Variants in MCF2L2 observed in about 807,000 individuals in gnomAD.
The protein encoded by MCF2L2 is MCF.2 cell line derived transforming sequence-like 2.
A neutral mutation model predicts 150.2 loss-of-function variants in MCF2L2; 102 were observed. The ratio of observed to expected loss-of-function variants is 0.68; its 90% CI spans 0.58 to 0.80. The LOEUF is 0.80. Among genes scored for constraint, MCF2L2 ranks in the 30% least tolerant of loss-of-function variants. The pLI, the probability that MCF2L2 is intolerant of heterozygous loss-of-function variation, is 0.00. For synonymous variants in MCF2L2, 465 were observed against 491.3 expected, an observed-to-expected ratio of 0.95 and a Z score of 0.71; for missense variants, 1,256 against 1,372.8, an observed-to-expected ratio of 0.91 and a Z score of 1.34.
In MCF2L2 at chr3:183,220,633, G is replaced by A. The variant is rs913957194; in HGVS notation, c.2302-709C>T. ...TTCTTCAGAGAAGGACTGTCTTCCT[G>A]CCAGCTGTATAGGAAAGCCTGTCTC... On this transcript the variant is annotated intron_variant, in intron 20 of 29. Transcript: ENST00000328913. 2.0e-5 allele frequency among the ~76,000 whole-genome samples: 3 copies of A among 152,122 alleles called. No individual in the cohort carries two copies. The South Asian group carries it at 6.2e-4, about 31-fold the overall frequency.
At chr3:183,381,229 T>A (rs905956213) in intron 2 of MCF2L2, among the ~76,000 whole-genome samples, 3 of 152,174 alleles carry the variant, frequency 2.0e-5, no homozygotes, top group African/African-American at 7.2e-5. Context: ...GACACACATA[T>A]CAGTGTGGGG....
intron 10 of MCF2L2, among the ~76,000 whole-genome samples, chr3:183,309,415 G>A (rs1729257970): frequency 6.6e-6 from 1 of 152,152 alleles, no homozygotes; most frequent in South Asian, 2.1e-4. Context: ...TGAGCCTGTT[G>A]TGACCTTCTC....
intron 25 of MCF2L2, among the ~76,000 whole-genome samples, chr3:183,204,193 A>G (rs751759269): frequency 6.6e-6 from 1 of 152,206 alleles, no homozygotes; most frequent in African/African-American, 2.4e-5. Flanking sequence ...CAAGAGAGTA[A>G]AAAGACAATG....
Position 183,206,494 on chromosome 3 carries a change from T to A in MCF2L2, c.2713-280A>T, listed in dbSNP as rs145804982. Reference sequence around the variant, plus strand: ...AGCCCTCAACCTTTCAGTGAAGAGATCATTTCTCCTTCAACGTGTATTTTA... The same window carrying A: ...AGCCCTCAACCTTTCAGTGAAGAGAACATTTCTCCTTCAACGTGTATTTTA... On this transcript the variant is annotated intron_variant, in intron 23 of 29. Coordinates refer to ENST00000328913, the MANE Select transcript of MCF2L2 (RefSeq NM_015078.4). 2.3e-3 allele frequency among the ~76,000 whole-genome samples: 353 copies of A among 152,320 alleles called. 2 individuals are homozygous for A. The highest frequency in any genetic ancestry group is 8.3e-3 in the African/African-American group (344 of 41,564).
At chr3:183,275,014 A>C (rs760931766) in intron 15 of MCF2L2, among the ~76,000 whole-genome samples, 4 of 151,462 alleles carry the variant, frequency 2.6e-5, no homozygotes, top group Non-Finnish European at 5.9e-5. Flanking sequence ...AATGTCAATC[A>C]TGACCATACC....
At chr3:183,253,250 C>T (rs923870181) in intron 15 of MCF2L2, 2 of 151,410 alleles carry the variant, frequency 1.3e-5, no homozygotes, top group African/African-American at 4.8e-5. Context: ...CCCCATCCCG[C>T]CCGCATACAG....
intron 3 of MCF2L2, among the ~76,000 whole-genome samples, chr3:183,353,647 G>A (rs1711600593): frequency 6.6e-6 from 1 of 152,026 alleles, no homozygotes; most frequent in East Asian, 1.9e-4. Context: ...CAGATCTTGT[G>A]AGGACTCTAT....
chr3:183,345,153 GA>G (rs1308168782), intron 3 of MCF2L2, among the ~76,000 whole-genome samples: 2 of 152,116 alleles, frequency 1.3e-5, no homozygotes, highest in Non-Finnish European at 2.9e-5. Context: ...TTCTAAAACT[GA>G]CCACATAATT....
chr3:183,295,868 G>A (rs1270732795), intron 12 of MCF2L2, among the ~76,000 whole-genome samples: 1 of 152,170 alleles, frequency 6.6e-6, no homozygotes, highest in Non-Finnish European at 1.5e-5. Context: ...TGAGGCAGGA[G>A]AATCGCTTGA....
intron 27 of MCF2L2, among the ~76,000 whole-genome samples, chr3:183,187,429 T>C (rs1385038543): frequency 6.6e-6 from 1 of 152,222 alleles, no homozygotes; most frequent in Non-Finnish European, 1.5e-5. Context: ...TCCAAGTCAG[T>C]AAAACAGTCT....
At chr3:183,239,425 C>CA (rs1723905395) in intron 15 of MCF2L2, among the ~76,000 whole-genome samples, 1 of 151,464 alleles carries the variant, frequency 6.6e-6, no homozygotes, top group Non-Finnish European at 1.5e-5. Context: ...TTTCAAATGA[C>CA]ACCACAACCA....
In MCF2L2 at chr3:183,209,610, T is replaced by C. The variant is rs567654720; in HGVS notation, c.2497-1787A>G. ...TTCAAGGGACTCTCCTGCCTCATCC[T>C]CCCGAGTAGCTTGGATTACAGGCGT... On this transcript the variant is annotated intron_variant, in intron 22 of 29. Coordinates refer to ENST00000328913, the MANE Select transcript of MCF2L2 (RefSeq NM_015078.4). Among the ~76,000 whole-genome samples the C allele has an allele frequency of 1.3e-4, 20 of 152,268 alleles. No homozygotes were observed. In the South Asian group the frequency reaches 4.1e-3, roughly 32 times the overall value.
At position 183,379,377 on chromosome 3, in the gene MCF2L2, C is replaced by T. The variant is rs772403994; in HGVS notation, c.195G>A (p.Thr65=). 2.3e-5 allele frequency: 37 copies of T among 1,610,434 alleles called. No homozygotes were observed. The highest frequency in any genetic ancestry group is 2.9e-5 in the Non-Finnish European group (34 of 1,178,634). The change falls in exon 3 of 30, where the codon ACG becomes ACA. Residue 65 remains threonine, a synonymous_variant. Coordinates refer to ENST00000328913, the MANE Select transcript of MCF2L2 (RefSeq NM_015078.4). ...GTTTGAACCCCGAAAACTCTGGGAA[C>T]GTGATGATGGGGGCGCCATCCTCCC... ...GRGEDGAPII[T]FPEFSGFKHI... is the part of the protein sequence containing the mutation.
intron 1 of MCF2L2, among the ~76,000 whole-genome samples, chr3:183,412,720 A>AT (rs1048254602): frequency 4.0e-5 from 6 of 151,202 alleles, no homozygotes; most frequent in Non-Finnish European, 5.9e-5. Flanking sequence ...TTTTATTTTT[A>AT]TTTTTTTTCC....
At chr3:183,184,634 T>A (rs1448411016) in intron 27 of MCF2L2, among the ~76,000 whole-genome samples, 1 of 152,254 alleles carries the variant, frequency 6.6e-6, no homozygotes, top group East Asian at 1.9e-4. Flanking sequence ...TGCTTAGAAT[T>A]CTAAGCTTTT....
chr3:183,409,200 A>G (rs143335359), intron 1 of MCF2L2, among the ~76,000 whole-genome samples: 36 of 152,340 alleles, frequency 2.4e-4, no homozygotes, highest in African/African-American at 8.2e-4. Flanking sequence ...GGCTCATAAA[A>G]TACTTAAGAT....
At chr3:183,284,468 G>A (rs962120185) in intron 14 of MCF2L2, among the ~76,000 whole-genome samples, 1 of 152,156 alleles carries the variant, frequency 6.6e-6, no homozygotes, top group Non-Finnish European at 1.5e-5. Context: ...TTGGGAGGCT[G>A]AGCCAGGTGG....
At chr3:183,233,751 T>A (rs912864956) in intron 15 of MCF2L2, among the ~76,000 whole-genome samples, 1 of 152,192 alleles carries the variant, frequency 6.6e-6, no homozygotes, top group African/African-American at 2.4e-5. Flanking sequence ...ACAATCTTTT[T>A]TAAAGTGAAA....
chr3:183,324,786 C>G (rs1334382928), intron 5 of MCF2L2, among the ~76,000 whole-genome samples: 2 of 151,730 alleles, frequency 1.3e-5, no homozygotes. Context: ...TGCAACAAAA[C>G]TGATTTACTC....
Sources: allele counts gnomAD v4.1 joint callset (sites outside exome capture counted in the v4.1 genomes callset), GRCh38; gene constraint gnomAD v4.1.1; transcripts MANE v1.5; gene names NCBI Gene and HGNC (gene_info 2026-07-23, HGNC 2026-07-21).